The following CACNA1B variants were observed in gnomAD, a reference collection of about 807,000 sequenced individuals.
CACNA1B encodes voltage-dependent N-type calcium channel subunit alpha-1B.
CACNA1B carries 70 observed loss-of-function variants against 247.2 expected under a neutral mutation model. The ratio of observed to expected loss-of-function variants is 0.28; its 90% CI spans 0.23 to 0.35. The LOEUF is 0.35. Among genes scored for constraint, CACNA1B ranks in the 10% least tolerant of loss-of-function variants. CACNA1B has a pLI of 1.00. For synonymous variants in CACNA1B, 1,231 were observed against 1,294.4 expected (o/e 0.95, Z 1.05); for missense variants, 2,367 against 3,197.4 (o/e 0.74, Z 6.26).
At chr9:138,027,399 T>C (rs898472151) in intron 20 of CACNA1B, among the ~76,000 whole-genome samples, 3 of 152,340 alleles carry the variant, frequency 2.0e-5, no homozygotes, top group East Asian at 3.9e-4. Flanking sequence ...TTCCCCCTTT[T>C]TTTCCGAGAT....
At chr9:137,941,540 A>T (rs1190294999) in intron 6 of CACNA1B, among the ~76,000 whole-genome samples, 1 of 152,124 alleles carries the variant, frequency 6.6e-6, no homozygotes, top group Non-Finnish European at 1.5e-5. Flanking sequence ...TGCAGTTCCC[A>T]TCAAAATACC....
intron 38 of CACNA1B, among the ~76,000 whole-genome samples, chr9:138,104,363 T>G (rs1166344638): frequency 6.6e-6 from 1 of 152,012 alleles, no homozygotes; most frequent in Non-Finnish European, 1.5e-5. Flanking sequence ...TGCTCTGCCC[T>G]CACTGCTATC....
chr9:138,096,801 C>T (rs1961070820), intron 37 of CACNA1B, among the ~76,000 whole-genome samples, 190 bp downstream of exon 37: 1 of 147,808 alleles, frequency 6.8e-6, no homozygotes, highest in African/African-American at 2.5e-5. Flanking sequence ...CCTTTTCCAT[C>T]TCGTGTGCCT....
intron 12 of CACNA1B, among the ~76,000 whole-genome samples, chr9:137,976,444 G>T (rs1958222834): frequency 6.6e-6 from 1 of 152,232 alleles, no homozygotes. Flanking sequence ...GGCCATGATG[G>T]TCCTGCCCTC....
In CACNA1B at chr9:138,022,807, G is replaced by GC. The variant is rs1554748665; in HGVS notation, c.2268-204_2268-203insC. On this transcript the variant is annotated intron_variant, in intron 18 of 46. Transcript: ENST00000371372. ...CTTGCGGGTCCTGTGGGACACCGTGGGGGGGGGGGGCGGCGGGGCTGAATT... is the reference window on the plus strand; with the variant it reads ...CTTGCGGGTCCTGTGGGACACCGTGGCGGGGGGGGGGCGGCGGGGCTGAATT... Among the ~76,000 whole-genome samples, 155 of 70,594 alleles carry GC rather than the reference G, an allele frequency of 2.2e-3. 2 individuals are homozygous for GC. The highest frequency in any genetic ancestry group is 5.0e-3 in the African/African-American group (22 of 4,434). The allele number at this position is 70,594 out of a possible 152,430, so 46.3% of individuals were successfully genotyped here.
intron 31 of CACNA1B, among the ~76,000 whole-genome samples, chr9:138,065,573 C>T: frequency 6.6e-6 from 1 of 152,194 alleles, no homozygotes; most frequent in East Asian, 1.9e-4. Context: ...CCTGCCCTTC[C>T]TTTCTGGGTG....
intron 36 of CACNA1B, among the ~76,000 whole-genome samples, chr9:138,088,959 C>CAAAAAAAA (rs56112600): frequency 8.3e-4 from 51 of 61,404 alleles, no homozygotes; most frequent in East Asian, 1.6e-3. Context: ...AACTCCGTCT[C>CAAAAAAAA]AAAAAAAAAA....
At position 138,072,801 on chromosome 9, in the gene CACNA1B, T is replaced by C. The variant is rs918924616; in HGVS notation, c.4675-687T>C. 2.0e-5 allele frequency among the ~76,000 whole-genome samples: 3 copies of C among 152,206 alleles called. No homozygotes were observed. The highest frequency in any genetic ancestry group is 1.3e-4 in the Admixed American group (2 of 15,286). On this transcript the variant is annotated intron_variant, in intron 32 of 46. Transcript: ENST00000371372. The surrounding 1 kb of genome is among the most constrained non-coding windows in gnomAD (Gnocchi z 4.5). ...ATCATTGTGCTTGATTTTGAGCCCCTTGGATGAGGGAGCTCCACTAGACAG... is the reference window on the plus strand; with the variant it reads ...ATCATTGTGCTTGATTTTGAGCCCCCTGGATGAGGGAGCTCCACTAGACAG...
chr9:137,905,097 G>T (rs1957282853), intron 3 of CACNA1B, among the ~76,000 whole-genome samples: 1 of 152,138 alleles, frequency 6.6e-6, no homozygotes, highest in East Asian at 1.9e-4. Flanking sequence ...GCTTATACCT[G>T]TAATCCCAGC....
At chr9:138,042,137 A>G (rs1959131574) in intron 20 of CACNA1B, among the ~76,000 whole-genome samples, 1 of 152,058 alleles carries the variant, frequency 6.6e-6, no homozygotes, top group African/African-American at 2.4e-5. Context: ...TAGTCAGTTT[A>G]TGGTTGTGCA....
chr9:138,056,145 A>G (rs1297278381), intron 26 of CACNA1B, among the ~76,000 whole-genome samples: 3 of 152,226 alleles, frequency 2.0e-5, no homozygotes, highest in African/African-American at 7.2e-5. Context: ...TAGTCTATTT[A>G]CAGGTACATG....
Position 138,023,452 on chromosome 9 carries a change from G to C in CACNA1B, c.2709G>C (p.Arg903=), listed in dbSNP as rs192692322. 0.019 allele frequency: 23,755 copies of C among 1,224,564 alleles called. 273 individuals are homozygous for C. The highest frequency in any genetic ancestry group is 0.022 in the Non-Finnish European group (21,452 of 984,584). The allele number at this position is 1,224,564 out of a possible 1,614,324, so 75.9% of individuals were successfully genotyped here. Residue 903 remains arginine, a synonymous_variant, in exon 19 of 47, where the codon CGG becomes CGC. Transcript: ENST00000371372. The part of the protein sequence containing the change: ...SKEAAGPPEA[R]SERGRGPGPE... Reference sequence around the variant, plus strand: ...AGGCCGCGGGGCCCCCGGAGGCGCGGAGCGAGCGCGGCCGAGGCCCAGGCC... The same window carrying C: ...AGGCCGCGGGGCCCCCGGAGGCGCGCAGCGAGCGCGGCCGAGGCCCAGGCC...
intron 35 of CACNA1B, among the ~76,000 whole-genome samples, chr9:138,077,330 AG>A (rs1264325906): frequency 6.6e-6 from 1 of 152,216 alleles, no homozygotes; most frequent in African/African-American, 2.4e-5. Context: ...AGGAGCATCC[AG>A]GGTGGCTGCT....
chr9:138,107,878 G>A (rs1350582111), intron 39 of CACNA1B, among the ~76,000 whole-genome samples: 2 of 152,042 alleles, frequency 1.3e-5, no homozygotes, highest in East Asian at 3.9e-4. Context: ...CCAGCTACTC[G>A]GGAGGCTGAG....
At chr9:138,017,365 C>T (rs546714010) in intron 18 of CACNA1B, among the ~76,000 whole-genome samples, 10 of 152,376 alleles carry the variant, frequency 6.6e-5, no homozygotes, top group African/African-American at 2.4e-4. Context: ...GGGCTTGCTC[C>T]CTGATGTCCC....
intron 3 of CACNA1B, among the ~76,000 whole-genome samples, chr9:137,906,382 G>A (rs1957299039): frequency 6.6e-6 from 1 of 152,130 alleles, no homozygotes; most frequent in Non-Finnish European, 1.5e-5. Context: ...TATGTAATTT[G>A]TCTTACTTGG....
At chr9:137,992,280 A>G (rs781478548) in intron 15 of CACNA1B, among the ~76,000 whole-genome samples, 1 of 152,220 alleles carries the variant, frequency 6.6e-6, no homozygotes, top group South Asian at 2.1e-4. Flanking sequence ...AGCGAGCAGG[A>G]ATAGCCATTC....
At chr9:138,069,000 C>T (rs1960029501) in intron 31 of CACNA1B, among the ~76,000 whole-genome samples, 2 of 152,216 alleles carry the variant, frequency 1.3e-5, no homozygotes, top group African/African-American at 4.8e-5. Context: ...CCCTCCTTGG[C>T]AGCCCCTGCC....
chr9:137,934,448 C>T (rs1369843295), intron 6 of CACNA1B, among the ~76,000 whole-genome samples: 2 of 152,218 alleles, frequency 1.3e-5, no homozygotes, highest in Non-Finnish European at 2.9e-5. Context: ...TTGCAGTTCC[C>T]ACTCGGATGG....
Sources: allele counts gnomAD v4.1 joint callset (sites outside exome capture counted in the v4.1 genomes callset), GRCh38; gene constraint gnomAD v4.1.1; non-coding constraint Gnocchi (gnomAD v3.1); transcripts MANE v1.5; gene names NCBI Gene and HGNC (gene_info 2026-07-23, HGNC 2026-07-21).